Variants in TMEM131 observed in about 807,000 individuals in gnomAD.
The protein encoded by TMEM131 is transmembrane protein 131.
In TMEM131, 66 loss-of-function variants were observed where a neutral mutation model predicts 211.6. The ratio of observed to expected loss-of-function variants is 0.31; its 90% CI spans 0.26 to 0.38. The LOEUF (loss-of-function observed/expected upper bound fraction) is 0.38, where lower values mean the gene tolerates loss of function less well. Ranked by LOEUF, TMEM131 falls within the 10% of genes least tolerant of loss-of-function variation. TMEM131 has a pLI of 1.00. For synonymous variants in TMEM131, 844 were observed against 841.3 expected (o/e 1.00, Z -0.06); for missense variants, 2,036 against 2,299.3 (o/e 0.89, Z 2.34).
At chr2:97,914,550 C>A (rs1252717741) in intron 2 of TMEM131, among the ~76,000 whole-genome samples, 1 of 152,200 alleles carries the variant, frequency 6.6e-6, no homozygotes, top group East Asian at 1.9e-4. Flanking sequence ...CCCTTCCCCC[C>A]AAGCCCTGGC....
intron 31 of TMEM131, among the ~76,000 whole-genome samples, chr2:97,789,527 TCA>T (rs1680402484): frequency 6.6e-6 from 1 of 152,202 alleles, no homozygotes; most frequent in Non-Finnish European, 1.5e-5. Flanking sequence ...TTCTCCCAAG[TCA>T]CACAGTTAGT....
intron 4 of TMEM131, among the ~76,000 whole-genome samples, chr2:97,887,006 G>A (rs1006001143): frequency 1.1e-4 from 16 of 152,156 alleles, no homozygotes; most frequent in East Asian, 3.9e-4. Context: ...TTTTTCAGGC[G>A]TGGGATGCAG....
intron 31 of TMEM131, among the ~76,000 whole-genome samples, chr2:97,776,819 G>C (rs1679758642): frequency 6.6e-6 from 1 of 152,318 alleles, no homozygotes; most frequent in Non-Finnish European, 1.5e-5. Context: ...AACCCTGGCA[G>C]CTTTCTACAA....
At chr2:97,895,653 C>A (rs369954948) in intron 3 of TMEM131, among the ~76,000 whole-genome samples, 8 of 152,244 alleles carry the variant, frequency 5.3e-5, no homozygotes, top group African/African-American at 1.9e-4. Context: ...AGTTTATTTG[C>A]GTAGAGGTGT....
At chr2:97,795,730 A>G (rs1002128770) in intron 28 of TMEM131, among the ~76,000 whole-genome samples, 21 of 152,318 alleles carry the variant, frequency 1.4e-4, no homozygotes, top group African/African-American at 4.3e-4. Flanking sequence ...CATAAACTTT[A>G]TAACAGAACA....
chr2:97,931,614 G>T (rs551531390), intron 1 of TMEM131, among the ~76,000 whole-genome samples: 10 of 152,266 alleles, frequency 6.6e-5, no homozygotes, highest in South Asian at 2.1e-4. Flanking sequence ...ATTGTGGGGG[G>T]TGGTATCAGG....
intron 4 of TMEM131, among the ~76,000 whole-genome samples, chr2:97,878,872 A>C (rs1412370200): frequency 6.6e-6 from 1 of 151,812 alleles, no homozygotes; most frequent in African/African-American, 2.4e-5. Flanking sequence ...ATAATGAGCA[A>C]ACAAACAAAA....
intron 3 of TMEM131, among the ~76,000 whole-genome samples, chr2:97,899,111 AT>A (rs1270969521): frequency 2.6e-5 from 4 of 152,050 alleles, no homozygotes; most frequent in Non-Finnish European, 5.9e-5. Flanking sequence ...GGATTGTTGT[AT>A]CTACCTGGGG....
At chr2:97,794,829 G>A in intron 29 of TMEM131, 101 bp downstream of exon 29, 1 of 964,574 alleles carries the variant, frequency 1.0e-6, no homozygotes, top group Non-Finnish European at 1.5e-6. Flanking sequence ...CTTGTTTGCT[G>A]GCATATCCTA....
At chr2:97,939,687 C>T (rs896686975) in intron 1 of TMEM131, among the ~76,000 whole-genome samples, 2 of 152,156 alleles carry the variant, frequency 1.3e-5, no homozygotes, top group African/African-American at 4.8e-5. Flanking sequence ...AGGCCAGCAA[C>T]ATCCTAATAC....
chr2:97,783,764 C>A (rs186543897), intron 31 of TMEM131, among the ~76,000 whole-genome samples: 1 of 151,654 alleles, frequency 6.6e-6, no homozygotes. Context: ...TATCAATAAG[C>A]ACATTAAAAG....
chr2:97,960,934 T>C (rs1376163003), intron 1 of TMEM131, among the ~76,000 whole-genome samples: 3 of 152,124 alleles, frequency 2.0e-5, no homozygotes, highest in Non-Finnish European at 4.4e-5. Flanking sequence ...AACTAGTTAC[T>C]TCACCATCTT....
At position 97,759,733 on chromosome 2, in the gene TMEM131, G is replaced by T; in HGVS notation, c.5125C>A (p.Pro1709Thr). Residue 1709 changes from proline (P) to threonine (T), a missense_variant, in exon 39 of 41, where the codon CCC becomes ACC. Physicochemically the swap from Pro to Thr is conservative, Grantham distance 38 (BLOSUM62 -1). Coordinates refer to ENST00000186436, the MANE Select transcript of TMEM131 (RefSeq NM_015348.2). Reference protein sequence around the residue: ...DGSDSSGLWSPVSNPSSPDFT... With the variant: ...DGSDSSGLWSTVSNPSSPDFT... ...TCAGGGCTGCTTGGGTTGCTGACGG[G>T]ACTCCACAAACCCGAGCTAAATGTT... 6.2e-7 allele frequency: 1 copy of T among 1,613,146 alleles called. No homozygotes were observed. Among genetic ancestry groups the T allele is most frequent in the Non-Finnish European group, 8.5e-7 (1 of 1,179,542 alleles).
At chr2:97,974,585 T>A (rs1679448416) in intron 1 of TMEM131, among the ~76,000 whole-genome samples, 2 of 144,290 alleles carry the variant, frequency 1.4e-5, no homozygotes, top group South Asian at 2.3e-4. Context: ...ACAAAAAAAA[T>A]CTTAAAAGTA....
At chr2:97,875,442 T>C (rs1198171239) in intron 4 of TMEM131, among the ~76,000 whole-genome samples, 1 of 152,186 alleles carries the variant, frequency 6.6e-6, no homozygotes, top group African/African-American at 2.4e-5. Context: ...ATCACACTTA[T>C]TCTAAAATTG....
chr2:97,985,702 A>G (rs35564270), intron 1 of TMEM131, among the ~76,000 whole-genome samples: 48,088 of 150,776 alleles, frequency 0.32, 8,787 homozygotes, highest in Non-Finnish European at 0.39. Context: ...ATACCCTGGG[A>G]AAAAAAAAAT....
intron 2 of TMEM131, among the ~76,000 whole-genome samples, chr2:97,910,501 C>CA (rs1676250778): frequency 6.6e-6 from 1 of 152,062 alleles, no homozygotes; most frequent in African/African-American, 2.4e-5. Context: ...GACAGGTGAA[C>CA]AGATAAACAA....
chr2:97,814,160 GA>G lies in TMEM131; in HGVS notation c.1447-20del, dbSNP rs753843134. 14 of 1,609,568 alleles carry G rather than the reference GA, an allele frequency of 8.7e-6. No homozygotes were observed. The highest frequency in any genetic ancestry group is 4.0e-5 in the African/African-American group (3 of 74,474). ...TGTGAACCTGAGAAATGACAGAAGAGAAAAAAAACAAAGTGTCAGCATCACC... is the reference window on the plus strand; with the variant it reads ...TGTGAACCTGAGAAATGACAGAAGAGAAAAAAACAAAGTGTCAGCATCACC... On this transcript the variant is annotated intron_variant, in intron 14 of 40. Coordinates refer to ENST00000186436, the MANE Select transcript of TMEM131 (RefSeq NM_015348.2).
chr2:97,774,029 A>G (rs1679592599), intron 32 of TMEM131, among the ~76,000 whole-genome samples: 1 of 152,232 alleles, frequency 6.6e-6, no homozygotes, highest in African/African-American at 2.4e-5. Flanking sequence ...CATCTACCCA[A>G]GAGCTTTAAA....
Sources: allele counts gnomAD v4.1 joint callset (sites outside exome capture counted in the v4.1 genomes callset), GRCh38; gene constraint gnomAD v4.1.1; transcripts MANE v1.5; gene names NCBI Gene and HGNC (gene_info 2026-07-23, HGNC 2026-07-21).